HIVEP1: variants seen among roughly 807,000 people sequenced by gnomAD.
HIVEP1 encodes the protein zinc finger protein 40.
HIVEP1 carries 36 observed loss-of-function variants against 180.0 expected under a neutral mutation model. That is an observed-to-expected ratio of 0.20 (90% CI 0.15 to 0.26). The LOEUF is 0.26. Ranked by LOEUF, HIVEP1 falls within the 10% of genes least tolerant of loss-of-function variation. The pLI is 1.00. For missense variants in HIVEP1, 3,143 were observed against 3,268.7 expected (o/e 0.96, Z 0.94); for synonymous variants, 1,239 against 1,239.0 (o/e 1.00, Z 0.00).
At chr6:12,099,183 G>GGTTTTTTT (rs373744044) in intron 3 of HIVEP1, among the ~76,000 whole-genome samples, 1 of 138,460 alleles carries the variant, frequency 7.2e-6, no homozygotes, top group African/African-American at 2.7e-5. Context: ...ATGTCACTGA[G>GGTTTTTTT]TTTTTTTTTT....
At chr6:12,097,836 A>G (rs1773865970) in intron 3 of HIVEP1, among the ~76,000 whole-genome samples, 2 of 152,174 alleles carry the variant, frequency 1.3e-5, no homozygotes, top group South Asian at 4.1e-4. Context: ...GTCTTCAAAT[A>G]TCTGTCCTCA....
intron 2 of HIVEP1, among the ~76,000 whole-genome samples, chr6:12,042,302 C>T (rs1232575279): frequency 1.4e-5 from 2 of 148,044 alleles, no homozygotes; most frequent in African/African-American, 2.5e-5. Flanking sequence ...AGGATGGTCT[C>T]CATCTCCTGA....
intron 2 of HIVEP1, among the ~76,000 whole-genome samples, chr6:12,071,876 A>G (rs1293084478): frequency 2.0e-5 from 3 of 152,228 alleles, no homozygotes; most frequent in African/African-American, 4.8e-5. Flanking sequence ...ATTTATACAT[A>G]TACTGTAAAT....
intron 2 of HIVEP1, among the ~76,000 whole-genome samples, chr6:12,046,576 C>A (rs776397292): frequency 6.6e-6 from 1 of 151,926 alleles, no homozygotes; most frequent in South Asian, 2.1e-4. Context: ...GTCAAGAGAT[C>A]GAGACAATCC....
intron 2 of HIVEP1, among the ~76,000 whole-genome samples, chr6:12,060,228 A>C (rs1028676875): frequency 1.3e-5 from 2 of 152,232 alleles, no homozygotes; most frequent in African/African-American, 2.4e-5. Context: ...TTAAACAGTT[A>C]TTGTAAGCAT....
chr6:12,201,495 C>CAAACAAACA, the HIVEP1 span, among the ~76,000 whole-genome samples: 29 of 151,454 alleles, frequency 1.9e-4, no homozygotes, highest in East Asian at 9.8e-4. Flanking sequence ...AACAAACAAA[C>CAAACAAACA]AAACAAAACA....
At chr6:12,181,352 T>G in the HIVEP1 span, among the ~76,000 whole-genome samples, 1 of 151,782 alleles carries the variant, frequency 6.6e-6, no homozygotes, top group Admixed American at 6.6e-5. Context: ...AGAGTGAGAC[T>G]CCGTCTCAAA....
chr6:12,016,057 A>T (rs1767721834), intron 2 of HIVEP1, among the ~76,000 whole-genome samples: 1 of 152,000 alleles, frequency 6.6e-6, no homozygotes, highest in Non-Finnish European at 1.5e-5. Flanking sequence ...AGTTCTTTTG[A>T]GGTTTATTTT....
chr6:12,083,078 C>T (rs774411660), intron 2 of HIVEP1, among the ~76,000 whole-genome samples: 1 of 151,688 alleles, frequency 6.6e-6, no homozygotes, highest in Admixed American at 6.6e-5. Flanking sequence ...TGAAAACTGC[C>T]TGTTAATGCA....
At chr6:12,090,427 T>C (rs1773391907) in intron 3 of HIVEP1, among the ~76,000 whole-genome samples, 1 of 152,086 alleles carries the variant, frequency 6.6e-6, no homozygotes, top group African/African-American at 2.4e-5. Context: ...CAGTTCTCCA[T>C]CCCTTAAACC....
At chr6:12,011,812 G>A (rs1767333796), upstream of HIVEP1, among the ~76,000 whole-genome samples, 7 of 147,182 alleles carry the variant, frequency 4.8e-5, no homozygotes, top group South Asian at 1.3e-3. Context: ...GGGCCCCGGC[G>A]CCTGGGCGTC....
intron 4 of HIVEP1, among the ~76,000 whole-genome samples, chr6:12,128,338 C>T (rs1392371543): frequency 1.3e-5 from 2 of 152,158 alleles, no homozygotes; most frequent in Non-Finnish European, 2.9e-5. Context: ...TTTCCTCCTG[C>T]CTGTGTAAGG....
At chr6:12,044,628 C>G (rs537396990) in intron 2 of HIVEP1, among the ~76,000 whole-genome samples, 7 of 150,518 alleles carry the variant, frequency 4.7e-5, no homozygotes, top group African/African-American at 1.7e-4. Flanking sequence ...TCAAAGCCAG[C>G]GCACCTGTTT....
At chr6:12,149,297 G>A (rs1562002047) in intron 7 of HIVEP1, among the ~76,000 whole-genome samples, 1 of 152,144 alleles carries the variant, frequency 6.6e-6, no homozygotes. Context: ...AGACCTGATT[G>A]TAAATCTAAA....
intron 7 of HIVEP1, among the ~76,000 whole-genome samples, chr6:12,159,749 G>A (rs1003206107): frequency 5.3e-5 from 8 of 152,154 alleles, no homozygotes; most frequent in African/African-American, 1.9e-4. Flanking sequence ...CAGCATAATA[G>A]TAGAACCCTA....
chr6:12,188,629 T>G, the HIVEP1 span, among the ~76,000 whole-genome samples: 1,173 of 152,180 alleles, frequency 7.7e-3, 17 homozygotes, highest in African/African-American at 0.027. Context: ...GCTATAAGAT[T>G]ACAAGAAATA....
At chr6:12,141,462 A>C (rs1395208904) in intron 7 of HIVEP1, among the ~76,000 whole-genome samples, 1 of 151,978 alleles carries the variant, frequency 6.6e-6, no homozygotes, top group African/African-American at 2.4e-5. Flanking sequence ...AACTGCATCA[A>C]CTAACGGGCA....
intron 2 of HIVEP1, among the ~76,000 whole-genome samples, chr6:12,015,960 G>T (rs1379537626): frequency 6.6e-6 from 1 of 152,138 alleles, no homozygotes; most frequent in Non-Finnish European, 1.5e-5. Context: ...ACCATATTTG[G>T]GTCAAGGAAT....
rs749259256 is a variant in HIVEP1 at position 12,120,919 on chromosome 6, A to C, written c.1124A>C (p.Asn375Thr). ...STQSPPMPIY[N>T]STHVASVVNQ... is the part of the protein sequence containing the mutation. Reference sequence around the variant, plus strand: ...CAGTCGCCCCCCATGCCAATCTATAATTCAACTCATGTTGCCTCTGTTGTT... The same window carrying C: ...CAGTCGCCCCCCATGCCAATCTATACTTCAACTCATGTTGCCTCTGTTGTT... The change falls in exon 4 of 9, where the codon AAT becomes ACT. Residue 375 changes from asparagine (N) to threonine (T), a missense_variant. Coordinates refer to ENST00000379388, the MANE Select transcript of HIVEP1 (RefSeq NM_002114.4). 6.2e-7 allele frequency: 1 copy of C among 1,614,056 alleles called. No individual in the cohort carries two copies.
Sources: allele counts gnomAD v4.1 joint callset (sites outside exome capture counted in the v4.1 genomes callset), GRCh38; gene constraint gnomAD v4.1.1; transcripts MANE v1.5; gene names NCBI Gene and HGNC (gene_info 2026-07-23, HGNC 2026-07-21).